The following CYTH3 variants were observed in gnomAD, a reference collection of about 807,000 sequenced individuals.
CYTH3 encodes cytohesin 3.
CYTH3 carries 23 observed loss-of-function variants against 55.1 expected under a neutral mutation model. The ratio of observed to expected loss-of-function variants is 0.42; its 90% CI spans 0.30 to 0.59. CYTH3 has a LOEUF of 0.59. Ranked by LOEUF, CYTH3 falls within the 20% of genes least tolerant of loss-of-function variation. The probability of loss-of-function intolerance (pLI) is 0.20; values close to 1 mark genes in which losing one functional copy is unlikely to be tolerated. For missense variants in CYTH3, 413 were observed against 524.8 expected, an observed-to-expected ratio of 0.79 and a Z score of 2.08; for synonymous variants, 249 against 194.9, an observed-to-expected ratio of 1.28 and a Z score of -2.31.
At chr7:6,269,725 G>T (rs369896238) in intron 1 of CYTH3, among the ~76,000 whole-genome samples, 2 of 152,172 alleles carry the variant, frequency 1.3e-5, no homozygotes, top group Non-Finnish European at 2.9e-5. Flanking sequence ...CGCTCCTCTT[G>T]TAACTGCCTT....
rs6977296 is a variant in CYTH3 at position 6,215,356 on chromosome 7, C to G, written c.35-24825G>C. ...CTGTAATCCCAGAACTTTGGGATGCCGAGGCGGGCGGATCACGAGGTCAGG... is the reference window on the plus strand; with the variant it reads ...CTGTAATCCCAGAACTTTGGGATGCGGAGGCGGGCGGATCACGAGGTCAGG... On this transcript the variant is annotated intron_variant, in intron 1 of 12. Coordinates refer to ENST00000350796, the MANE Select transcript of CYTH3 (RefSeq NM_004227.4). Among the ~76,000 whole-genome samples, 413 of 152,180 alleles carry G rather than the reference C, an allele frequency of 2.7e-3. 3 individuals carry two copies. Among genetic ancestry groups the G allele is most frequent in the Middle Eastern group, 0.01 (3 of 294 alleles).
At chr7:6,181,625 C>CATTT (rs1384034716) in intron 4 of CYTH3, among the ~76,000 whole-genome samples, 1 of 152,178 alleles carries the variant, frequency 6.6e-6, no homozygotes, top group African/African-American at 2.4e-5. Context: ...TCCTGCTTGG[C>CATTT]ATTTGGTGGG....
intron 1 of CYTH3, among the ~76,000 whole-genome samples, chr7:6,205,503 G>A (rs1337399519): frequency 2.0e-5 from 3 of 150,248 alleles, no homozygotes; most frequent in African/African-American, 7.4e-5. Flanking sequence ...GAACCCAGGA[G>A]GTAGAAGTCG....
rs1583751640 is a variant in CYTH3 at position 6,181,082 on chromosome 7, T to C, written c.250-3141A>G. Among the ~76,000 whole-genome samples the C allele has an allele frequency of 2.0e-5, 3 of 152,362 alleles. No homozygotes were observed. In the South Asian group the frequency reaches 6.2e-4, roughly 32 times the overall value. ...CTCTTCAGTGATTACTCTTAAAATT[T>C]TGACAAGTATTTAAACTTATTTTTA... On this transcript the variant is annotated intron_variant, in intron 4 of 12. Transcript: ENST00000350796.
chr7:6,204,897 G>A (rs1784149308), intron 1 of CYTH3, among the ~76,000 whole-genome samples: 1 of 152,212 alleles, frequency 6.6e-6, no homozygotes, highest in African/African-American at 2.4e-5. Context: ...GAGTGCGGTG[G>A]CTCACGCCTG....
chr7:6,246,052 T>C (rs1007796492), intron 1 of CYTH3, among the ~76,000 whole-genome samples: 2 of 152,030 alleles, frequency 1.3e-5, no homozygotes, highest in Non-Finnish European at 2.9e-5. Context: ...CAGGGCAAAA[T>C]AGGTAATTAT....
intron 1 of CYTH3, among the ~76,000 whole-genome samples, chr7:6,214,922 T>TTATC (rs1784393023): frequency 6.6e-6 from 1 of 152,204 alleles, no homozygotes. Flanking sequence ...TAGTATTTTC[T>TTATC]TATCTTGATT....
At chr7:6,258,388 T>A (rs945034401) in intron 1 of CYTH3, among the ~76,000 whole-genome samples, 1 of 151,816 alleles carries the variant, frequency 6.6e-6, no homozygotes, top group Admixed American at 6.6e-5. Context: ...CTTGCAGACA[T>A]CCCCCTGCAA....
chr7:6,247,065 G>A (rs1379856514), intron 1 of CYTH3, among the ~76,000 whole-genome samples: 1 of 152,202 alleles, frequency 6.6e-6, no homozygotes, highest in Non-Finnish European at 1.5e-5. Context: ...AAAGGTACTG[G>A]CTCACATAAC....
chr7:6,254,594 G>A (rs201627333), intron 1 of CYTH3, among the ~76,000 whole-genome samples: 2 of 152,164 alleles, frequency 1.3e-5, no homozygotes, highest in Non-Finnish European at 2.9e-5. Flanking sequence ...GATTACAGGC[G>A]CATACCACAA....
chr7:6,191,578 G>C (rs191921109), intron 1 of CYTH3, among the ~76,000 whole-genome samples: 16 of 150,408 alleles, frequency 1.1e-4, no homozygotes, highest in African/African-American at 3.4e-4. Context: ...TATAATTTCA[G>C]GGTAGGGAAG....
At chr7:6,177,791 C>A (rs1333622100) in intron 5 of CYTH3, 32 bp downstream of exon 5, 2 of 1,540,468 alleles carry the variant, frequency 1.3e-6, no homozygotes, top group South Asian at 2.2e-5. Context: ...TGAGTGGCCC[C>A]AGGTAGGGCT....
chr7:6,216,750 T>G (rs1784435233), intron 1 of CYTH3, among the ~76,000 whole-genome samples: 1 of 151,280 alleles, frequency 6.6e-6, no homozygotes, highest in Non-Finnish European at 1.5e-5. Context: ...CAAAAAAATG[T>G]GTGTATGTGT....
chr7:6,256,186 T>A (rs1039021367), intron 1 of CYTH3, among the ~76,000 whole-genome samples: 2 of 152,232 alleles, frequency 1.3e-5, no homozygotes, highest in African/African-American at 4.8e-5. Context: ...CAACTACATT[T>A]CGTGATGGCT....
intron 1 of CYTH3, among the ~76,000 whole-genome samples, chr7:6,243,422 G>C (rs934065794): frequency 6.6e-6 from 1 of 152,210 alleles, no homozygotes; most frequent in Admixed American, 6.5e-5. Flanking sequence ...GGGGCAGGAT[G>C]GGGGTGGGGA....
chr7:6,217,774 G>A (rs183366603), intron 1 of CYTH3, among the ~76,000 whole-genome samples: 1 of 152,190 alleles, frequency 6.6e-6, no homozygotes, highest in Admixed American at 6.5e-5. Context: ...ATTGTAGTAG[G>A]CTGAATCATT....
chr7:6,226,166 C>T (rs1354358232), intron 1 of CYTH3, among the ~76,000 whole-genome samples: 2 of 152,166 alleles, frequency 1.3e-5, no homozygotes, highest in South Asian at 2.1e-4. Context: ...CTGTGATTGG[C>T]TTCCTTTTAA....
chr7:6,258,988 T>A (rs1780206523), intron 1 of CYTH3, among the ~76,000 whole-genome samples: 1 of 152,136 alleles, frequency 6.6e-6, no homozygotes, highest in African/African-American at 2.4e-5. Flanking sequence ...ACCAAATAGG[T>A]CAACCCATTT....
intron 1 of CYTH3, among the ~76,000 whole-genome samples, chr7:6,214,735 T>C (rs1223828830): frequency 6.6e-6 from 1 of 152,190 alleles, no homozygotes; most frequent in East Asian, 1.9e-4. Context: ...AGATGTGTTG[T>C]TTCCTTCTCA....
Sources: gnomAD v4.1 joint callset for allele counts (sites outside exome capture counted in the v4.1 genomes callset) on GRCh38, gnomAD v4.1.1 for gene constraint, MANE v1.5 for transcripts, NCBI Gene and HGNC (gene_info 2026-07-23, HGNC 2026-07-21) for gene names.